The following IL1RAPL2 variants were observed in gnomAD, a reference collection of about 807,000 sequenced individuals.
IL1RAPL2 encodes interleukin 1 receptor accessory protein like 2, also known as X-linked interleukin-1 receptor accessory protein-like 2.
A neutral mutation model predicts 44.1 loss-of-function variants in IL1RAPL2; 3 were observed. That is an observed-to-expected ratio of 0.07 (90% confidence interval 0.03 to 0.18). The LOEUF (loss-of-function observed/expected upper bound fraction) is 0.18, where lower values mean the gene tolerates loss of function less well. Ranked by LOEUF, IL1RAPL2 falls within the 10% of genes least tolerant of loss-of-function variation. The probability of loss-of-function intolerance (pLI) is 1.00; values close to 1 mark genes in which losing one functional copy is unlikely to be tolerated. For missense variants in IL1RAPL2, 391 were observed against 496.4 expected (o/e 0.79, Z 2.02); for synonymous variants, 181 against 178.8 (o/e 1.01, Z -0.10).
At chrX:105,587,048 C>T (rs1159856185) in intron 6 of IL1RAPL2, among the ~76,000 whole-genome samples, 1 of 111,428 alleles carries the variant, frequency 9.0e-6, no homozygotes. Context: ...GATCATTACC[C>T]TGTTCTGTCT....
At chrX:105,227,501 T>G (rs1556190909) in intron 3 of IL1RAPL2, among the ~76,000 whole-genome samples, 2 of 111,917 alleles carry the variant, frequency 1.8e-5, no homozygotes, top group Admixed American at 1.9e-4. Context: ...CAAAAATGAG[T>G]TCATTCAATA....
At chrX:105,650,897 G>C (rs917176562) in intron 6 of IL1RAPL2, among the ~76,000 whole-genome samples, 5 of 112,259 alleles carry the variant, frequency 4.5e-5, no homozygotes. Flanking sequence ...GTCCACGTCA[G>C]AAATAATTCT....
intron 2 of IL1RAPL2, among the ~76,000 whole-genome samples, chrX:105,009,180 A>G (rs755805172): frequency 8.9e-6 from 1 of 111,789 alleles, no homozygotes; most frequent in South Asian, 3.8e-4. Context: ...CCATTGTGGA[A>G]GACAGTGTGA....
At chrX:105,739,387 G>A (rs1423304711) in intron 7 of IL1RAPL2, among the ~76,000 whole-genome samples, 2 of 108,781 alleles carry the variant, frequency 1.8e-5, no homozygotes, top group Non-Finnish European at 3.8e-5. Context: ...TAGGGTACAT[G>A]TGCACATTGT....
intron 5 of IL1RAPL2, among the ~76,000 whole-genome samples, chrX:105,315,578 G>GTGTGTATATATATATATATA (rs1433365173): frequency 4.6e-5 from 1 of 21,815 alleles, no homozygotes; most frequent in African/African-American, 7.4e-5. Context: ...ACTAATGGAT[G>GTGTGTATATATATATATATA]TATATATATA....
chrX:105,020,793 G>A (rs186037251), intron 2 of IL1RAPL2, among the ~76,000 whole-genome samples: 155 of 111,086 alleles, frequency 1.4e-3, no homozygotes, highest in South Asian at 3.1e-3. Context: ...ACTTCTCATG[G>A]ACTTGAACAG....
chrX:104,648,365 C>T (rs986921348), intron 1 of IL1RAPL2, among the ~76,000 whole-genome samples: 4 of 112,279 alleles, frequency 3.6e-5, no homozygotes, highest in Non-Finnish European at 7.5e-5. Flanking sequence ...TATGCATAAT[C>T]ATTTGGATTG....
intron 2 of IL1RAPL2, among the ~76,000 whole-genome samples, chrX:104,761,889 TTCTCCTTCTCCTTCTCCTTCTCCTTCTC>T (rs1932445961): frequency 1.8e-5 from 1 of 55,241 alleles, no homozygotes; most frequent in African/African-American, 1.1e-4. Context: ...CTCCTTCTCC[TTCTCCTTCTCCTTCTCCTTCTCCTTCTC>T]CTTCTCCTTC....
chrX:104,750,232 G>GAT (rs1445620370), intron 2 of IL1RAPL2, among the ~76,000 whole-genome samples: 1 of 111,259 alleles, frequency 9.0e-6, no homozygotes, highest in Admixed American at 9.6e-5. Flanking sequence ...ATGTCATTGA[G>GAT]ATAAAACTTA....
At chrX:105,320,400 G>A (rs2034888274) in intron 5 of IL1RAPL2, among the ~76,000 whole-genome samples, 1 of 111,754 alleles carries the variant, frequency 8.9e-6, no homozygotes, top group Admixed American at 9.5e-5. Context: ...AGAAGAAATG[G>A]CTGCCTACTA....
chrX:105,104,201 A>G (rs1268236606), intron 2 of IL1RAPL2, among the ~76,000 whole-genome samples: 2 of 111,270 alleles, frequency 1.8e-5, no homozygotes, highest in African/African-American at 6.5e-5. Flanking sequence ...TTGTGCCATT[A>G]AAGGTGGGTC....
chrX:105,048,011 G>A (rs776347670), intron 2 of IL1RAPL2, among the ~76,000 whole-genome samples: 3 of 111,436 alleles, frequency 2.7e-5, no homozygotes, highest in Non-Finnish European at 5.7e-5. Context: ...TTTTAGAAAC[G>A]ACTTCCCAGA....
chrX:105,541,860 A>T (rs1251099950), intron 6 of IL1RAPL2, among the ~76,000 whole-genome samples: 1 of 111,170 alleles, frequency 9.0e-6, no homozygotes, highest in Middle Eastern at 4.2e-3. Flanking sequence ...ACAGGATGAA[A>T]TCCAAACTTT....
At chrX:104,628,331 C>A (rs1302502596) in intron 1 of IL1RAPL2, among the ~76,000 whole-genome samples, 1 of 110,905 alleles carries the variant, frequency 9.0e-6, no homozygotes, top group Non-Finnish European at 1.9e-5. Flanking sequence ...CAACCTCTCT[C>A]TGTTCCCCCT....
At chrX:104,848,409 GTATATATATATATATATATATATATATA>G (rs35503754) in intron 2 of IL1RAPL2, among the ~76,000 whole-genome samples, 5 of 64,906 alleles carry the variant, frequency 7.7e-5, no homozygotes, top group Admixed American at 3.8e-4. Flanking sequence ...ATTTTTATCT[GTATATATATATATATATATATATATATA>G]TATATATATA....
intron 2 of IL1RAPL2, among the ~76,000 whole-genome samples, chrX:105,059,592 A>C (rs1313502797): frequency 3.6e-5 from 4 of 110,971 alleles, no homozygotes; most frequent in African/African-American, 1.3e-4. Context: ...GTGCAGTAGC[A>C]CAGTCTCGGC....
chrX:105,484,166 C>A (rs2036250390), intron 5 of IL1RAPL2, 147 bp from the exon 6 acceptor site: 13 of 469,969 alleles, frequency 2.8e-5, no homozygotes, highest in Non-Finnish European at 1.1e-5. Flanking sequence ...GATAGAGTAA[C>A]AACCCAAGTA....
chrX:104,846,704 A>T (rs1334649077), intron 2 of IL1RAPL2, among the ~76,000 whole-genome samples: 9 of 112,100 alleles, frequency 8.0e-5, no homozygotes, highest in African/African-American at 2.9e-4. Context: ...TCCTTTGGGT[A>T]TATACCCAGT....
At chrX:104,588,236 C>T (rs1928601130) in intron 1 of IL1RAPL2, among the ~76,000 whole-genome samples, 1 of 110,993 alleles carries the variant, frequency 9.0e-6, no homozygotes, top group African/African-American at 3.3e-5. Flanking sequence ...CCTCCACACA[C>T]TCACTCATTT....
Sources: gnomAD v4.1 joint callset for allele counts (sites outside exome capture counted in the v4.1 genomes callset) on GRCh38, gnomAD v4.1.1 for gene constraint, MANE v1.5 for transcripts, NCBI Gene and HGNC (gene_info 2026-07-23, HGNC 2026-07-21) for gene names.